Variants in EFNB2 observed in about 807,000 individuals in gnomAD.
The protein encoded by EFNB2 is ephrin-B2.
Under a neutral mutation model 32.1 loss-of-function variants are expected in EFNB2, and 5 were observed. That is an observed-to-expected ratio of 0.16 (90% CI 0.08 to 0.33). The LOEUF is 0.33. Ranked by LOEUF, EFNB2 falls within the 10% of genes least tolerant of loss-of-function variation. EFNB2 has a pLI of 1.00. For missense variants in EFNB2, 263 were observed against 422.6 expected, an observed-to-expected ratio of 0.62 and a Z score of 3.31; for synonymous variants, 168 against 166.5, an observed-to-expected ratio of 1.01 and a Z score of -0.07.
intron 1 of EFNB2, among the ~76,000 whole-genome samples, chr13:106,534,190 C>A (rs1465537264): frequency 1.3e-5 from 2 of 152,298 alleles, no homozygotes; most frequent in Non-Finnish European, 2.9e-5. Context: ...GTGCGGCGGG[C>A]CCTCAGGGAG....
At chr13:106,499,209 C>T (rs1041577769) in intron 2 of EFNB2, among the ~76,000 whole-genome samples, 1 of 152,070 alleles carries the variant, frequency 6.6e-6, no homozygotes. Context: ...GCTACATCCT[C>T]ATCACAGAGT....
intron 2 of EFNB2, among the ~76,000 whole-genome samples, chr13:106,500,373 A>G (rs916075414): frequency 6.6e-6 from 1 of 152,208 alleles, no homozygotes; most frequent in Non-Finnish European, 1.5e-5. Context: ...AAAAAATCCT[A>G]CAGAATAATG....
At chr13:106,505,605 C>A (rs1878924710) in intron 2 of EFNB2, among the ~76,000 whole-genome samples, 1 of 152,162 alleles carries the variant, frequency 6.6e-6, no homozygotes, top group African/African-American at 2.4e-5. Context: ...GTAGTATTTG[C>A]TTGTCTGGTC....
At chr13:106,513,762 C>T (rs1044521070) in intron 1 of EFNB2, among the ~76,000 whole-genome samples, 2 of 27,754 alleles carry the variant, frequency 7.2e-5, no homozygotes, top group Admixed American at 5.1e-4. Flanking sequence ...AATCTCAGCT[C>T]GTTCGTAAGC....
intron 1 of EFNB2, among the ~76,000 whole-genome samples, chr13:106,521,889 A>C (rs1425001973): frequency 6.6e-6 from 1 of 152,044 alleles, no homozygotes; most frequent in Non-Finnish European, 1.5e-5. Context: ...AAAATCATCT[A>C]CTTTGGTATT....
intron 3 of EFNB2, 76 bp from the exon 4 acceptor site, chr13:106,495,070 C>T: frequency 8.9e-7 from 1 of 1,121,740 alleles, no homozygotes; most frequent in African/African-American, 1.5e-5. Context: ...ATATATATTT[C>T]AACAGGCATG....
At chr13:106,496,123 T>G (rs1023617540) in intron 2 of EFNB2, among the ~76,000 whole-genome samples, 1 of 152,174 alleles carries the variant, frequency 6.6e-6, no homozygotes, top group Non-Finnish European at 1.5e-5. Flanking sequence ...TTAATGTTAG[T>G]CTATAAATAA....
At chr13:106,523,112 G>A (rs1486368265) in intron 1 of EFNB2, among the ~76,000 whole-genome samples, 1 of 152,092 alleles carries the variant, frequency 6.6e-6, no homozygotes, top group African/African-American at 2.4e-5. Flanking sequence ...GTCTGCTGTG[G>A]GCGTATGACA....
At chr13:106,514,990 T>C (rs1879265851) in intron 1 of EFNB2, among the ~76,000 whole-genome samples, 1 of 152,206 alleles carries the variant, frequency 6.6e-6, no homozygotes, top group Non-Finnish European at 1.5e-5. Context: ...TTTGGCTCAC[T>C]AAGCTCCTTC....
At chr13:106,506,853 T>G (rs985267499) in intron 2 of EFNB2, 4 of 152,202 alleles carry the variant, frequency 2.6e-5, no homozygotes, top group Admixed American at 2.0e-4. Context: ...ACTTTACAGA[T>G]GAAGAGACTG....
chr13:106,519,907 A>G (rs1440154196), intron 1 of EFNB2: 1 of 152,202 alleles, frequency 6.6e-6, no homozygotes, highest in African/African-American at 2.4e-5. Context: ...ACAGACTTAA[A>G]CTTTTGATGC....
chr13:106,497,260 T>A (rs796625265), intron 2 of EFNB2, among the ~76,000 whole-genome samples: 18 of 152,338 alleles, frequency 1.2e-4, no homozygotes, highest in African/African-American at 4.3e-4. Context: ...TACATATCAC[T>A]GTGCTTCTCT....
intron 2 of EFNB2, among the ~76,000 whole-genome samples, chr13:106,509,380 T>C (rs561308431): frequency 1.3e-4 from 20 of 152,332 alleles, no homozygotes; most frequent in African/African-American, 4.6e-4. Context: ...CACTGCTCGT[T>C]CTGAAGGCGC....
chr13:106,529,326 A>G (rs1879800334), intron 1 of EFNB2, among the ~76,000 whole-genome samples: 1 of 152,206 alleles, frequency 6.6e-6, no homozygotes, highest in East Asian at 1.9e-4. Flanking sequence ...AGTTAATCCT[A>G]CAGAACGGCT....
chr13:106,534,260 G>A (rs1324081623), intron 1 of EFNB2, among the ~76,000 whole-genome samples: 1 of 152,178 alleles, frequency 6.6e-6, no homozygotes, highest in African/African-American at 2.4e-5. Context: ...GTTCTCCTGC[G>A]AAGCAGGCGA....
At chr13:106,501,794 G>A (rs1231270571) in intron 2 of EFNB2, among the ~76,000 whole-genome samples, 1 of 151,996 alleles carries the variant, frequency 6.6e-6, no homozygotes, top group Non-Finnish European at 1.5e-5. Context: ...GGGTTTCACA[G>A]TGTTAGCCAG....
At chr13:106,500,696 A>G (rs969840979) in intron 2 of EFNB2, among the ~76,000 whole-genome samples, 1 of 152,196 alleles carries the variant, frequency 6.6e-6, no homozygotes, top group East Asian at 1.9e-4. Flanking sequence ...TTCTCTGTCA[A>G]TATCTATGGG....
chr13:106,503,014 C>G lies in EFNB2; in HGVS notation c.407-7174G>C, dbSNP rs536250910. ...CAGTACTGGCAATAAACTGCACCTC[C>G]CCCAACCCCCGACTTTTTTGTTTGT... On this transcript the variant is annotated intron_variant, in intron 2 of 4. Transcript: ENST00000646441. Among the ~76,000 whole-genome samples the G allele has an allele frequency of 5.3e-4, 80 of 152,300 alleles. 1 individual carries two copies. In the Middle Eastern group the frequency reaches 0.017, roughly 32 times the overall value.
At chr13:106,495,471 A>ATATCTATCTATC (rs367670305) in intron 3 of EFNB2, among the ~76,000 whole-genome samples, 23 of 149,454 alleles carry the variant, frequency 1.5e-4, no homozygotes, top group African/African-American at 5.7e-4. Flanking sequence ...TTAAAAAGAA[A>ATATCTATCTATC]TATCTATCTA....
Sources: allele counts gnomAD v4.1 joint callset (sites outside exome capture counted in the v4.1 genomes callset), GRCh38; gene constraint gnomAD v4.1.1; transcripts MANE v1.5; gene names NCBI Gene and HGNC (gene_info 2026-07-23, HGNC 2026-07-21).